SYPL1: variants seen among roughly 807,000 people sequenced by gnomAD.
SYPL1 encodes the protein synaptophysin-like protein 1.
In SYPL1, 6 loss-of-function variants were observed where a neutral mutation model predicts 23.7. The ratio of observed to expected loss-of-function variants is 0.25; its 90% CI spans 0.14 to 0.50. SYPL1 has a LOEUF of 0.50. SYPL1 is among the 20% of genes least tolerant of loss of function. SYPL1 has a pLI of 0.98. For missense variants in SYPL1, 253 were observed against 288.9 expected, an observed-to-expected ratio of 0.88 and a Z score of 0.90; for synonymous variants, 102 against 104.5, an observed-to-expected ratio of 0.98 and a Z score of 0.15.
chr7:106,108,922 T>C (rs576561466), intron 1 of SYPL1, among the ~76,000 whole-genome samples: 2 of 152,304 alleles, frequency 1.3e-5, no homozygotes, highest in Admixed American at 6.5e-5. Flanking sequence ...TGTGCTGACA[T>C]TTGTACTGAT....
chr7:106,093,290 T>G, intron 3 of SYPL1, 153 bp from the exon 4 acceptor site: 1 of 647,758 alleles, frequency 1.5e-6, no homozygotes, highest in Non-Finnish European at 2.5e-6. Flanking sequence ...GTCAGCATAG[T>G]AAACATTGCT....
At chr7:106,106,583 A>G (rs1032141419) in intron 1 of SYPL1, among the ~76,000 whole-genome samples, 7 of 149,334 alleles carry the variant, frequency 4.7e-5, no homozygotes, top group Non-Finnish European at 8.9e-5. Context: ...GGCTGGGTGC[A>G]GTGGTTCATC....
At position 106,097,044 on chromosome 7, in the gene SYPL1, G is replaced by A. The variant is rs1014802756; in HGVS notation, c.402+646C>T. Among the ~76,000 whole-genome samples the A allele has an allele frequency of 5.3e-5, 8 of 152,132 alleles. No individual in the cohort carries two copies. The highest frequency in any genetic ancestry group is 4.2e-4 in the South Asian group (2 of 4,814). ...AGCCTGGGCAACATGGTAAAACTTCGTCTTTACAAAAATACACAAAAAGTA... is the reference window on the plus strand; with the variant it reads ...AGCCTGGGCAACATGGTAAAACTTCATCTTTACAAAAATACACAAAAAGTA... On this transcript the variant is annotated intron_variant, in intron 3 of 4. Transcript: ENST00000455385. This position sits in a 1 kb window ranked among gnomAD's most constrained non-coding sequence, Gnocchi z 4.6.
At chr7:106,107,435 A>G (rs1416157074) in intron 1 of SYPL1, among the ~76,000 whole-genome samples, 1 of 152,202 alleles carries the variant, frequency 6.6e-6, no homozygotes, top group Non-Finnish European at 1.5e-5. Context: ...AGATAATTCC[A>G]TAATCCTTAA....
rs1585936850 is a variant in SYPL1 at position 106,097,344 on chromosome 7, T to A, written c.402+346A>T. On this transcript the variant is annotated intron_variant, in intron 3 of 4. Coordinates refer to ENST00000455385, the MANE Select transcript of SYPL1 (RefSeq NM_182715.4). This position sits in a 1 kb window ranked among gnomAD's most constrained non-coding sequence, Gnocchi z 4.6. ...TGGGCCTTTAGAGAAAGAAAAAAAGTAAGAAGCAGAAAGAGTTATGAGACT... is the reference window on the plus strand; with the variant it reads ...TGGGCCTTTAGAGAAAGAAAAAAAGAAAGAAGCAGAAAGAGTTATGAGACT... Among the ~76,000 whole-genome samples the A allele has an allele frequency of 6.6e-6, 1 of 152,158 alleles. No individual in the cohort carries two copies. Among genetic ancestry groups the A allele is most frequent in the East Asian group, 1.9e-4 (1 of 5,204 alleles).
intron 1 of SYPL1, among the ~76,000 whole-genome samples, chr7:106,103,210 G>A (rs776419565): frequency 3.3e-5 from 5 of 151,940 alleles, no homozygotes; most frequent in South Asian, 2.1e-4. Context: ...GAAGTTATAC[G>A]GCAAAAAAGA....
At chr7:106,099,068 C>A (rs574901673) in intron 2 of SYPL1, 90 bp downstream of exon 2, 3 of 1,497,216 alleles carry the variant, frequency 2.0e-6, no homozygotes, top group Middle Eastern at 2.2e-4. Context: ...AAATTTTCTA[C>A]CCCCCACAAT....
At position 106,091,321 on chromosome 7, in the gene SYPL1, G is replaced by C. The variant is rs1047181844; in HGVS notation, c.*484C>G. On this transcript the variant is annotated 3_prime_UTR_variant, in exon 5 of 5. Coordinates refer to ENST00000455385, the MANE Select transcript of SYPL1 (RefSeq NM_182715.4). This position sits in a 1 kb window ranked among gnomAD's most constrained non-coding sequence, Gnocchi z 5.0. ...AAAAATCATAACATAAACAATGTTA[G>C]ATATAAATTTTGAACTCAATATGTT... is the stretch of plus-strand genomic sequence containing the variant. 3.3e-5 allele frequency: 5 copies of C among 152,520 alleles called. No individual in the cohort carries two copies. The highest frequency in any genetic ancestry group is 7.2e-5 in the African/African-American group (3 of 41,404). The allele number at this position is 152,520 out of a possible 1,614,324, so 9.4% of individuals were successfully genotyped here.
chr7:106,101,533 T>C (rs953334890), intron 1 of SYPL1, among the ~76,000 whole-genome samples: 3 of 140,018 alleles, frequency 2.1e-5, no homozygotes, highest in Non-Finnish European at 4.6e-5. Context: ...GTCCAGCACA[T>C]AGTTTGGGGT....
chr7:106,092,082 C>A, intron 4 of SYPL1, 143 bp from the exon 5 acceptor site: 9 of 761,590 alleles, frequency 1.2e-5, no homozygotes, highest in Non-Finnish European at 1.8e-5. Context: ...ATACTACACA[C>A]AATGAGAAAT....
At chr7:106,110,221 C>T (rs141098034) in intron 1 of SYPL1, among the ~76,000 whole-genome samples, 19 of 152,264 alleles carry the variant, frequency 1.2e-4, no homozygotes, top group African/African-American at 4.6e-4. Context: ...AGCATATATT[C>T]CAACTAACCC....
Position 106,093,232 on chromosome 7 carries a change from T to C in SYPL1, c.403-95A>G, listed in dbSNP as rs1194367472. ...AAGAAACTGAGATTACATTCAACCT[T>C]ATGGTGCTGAGAAATGGCCTTCATG... On this transcript the variant is annotated intron_variant, in intron 3 of 4. Coordinates refer to ENST00000455385, the MANE Select transcript of SYPL1 (RefSeq NM_182715.4). 3 of 1,203,656 alleles carry C rather than the reference T, an allele frequency of 2.5e-6. No individual in the cohort carries two copies. The East Asian group carries it at 7.8e-5, about 31-fold the overall frequency. 74.6% of individuals were successfully genotyped at this position (1,203,656 alleles called of 1,614,324 possible).
In SYPL1 at chr7:106,109,397, C is replaced by G. The variant is rs7779908; in HGVS notation, c.69+2743G>C. Among the ~76,000 whole-genome samples, 2 of 152,096 alleles carry G rather than the reference C, an allele frequency of 1.3e-5. No individual in the cohort carries two copies. The highest frequency in any genetic ancestry group is 2.9e-5 in the Non-Finnish European group (2 of 68,010). ...TCTTGCTAACTAGTCCTTATTTTAT[C>G]AACTAGTCCTTATTTTACTTTACCA... On this transcript the variant is annotated intron_variant, in intron 1 of 4. Coordinates refer to ENST00000455385, the MANE Select transcript of SYPL1 (RefSeq NM_182715.4). This position sits in a 1 kb window ranked among gnomAD's most constrained non-coding sequence, Gnocchi z 4.3.
rs548097694 is a variant in SYPL1 at position 106,091,128 on chromosome 7, C to T, written c.*677G>A. The T allele has an allele frequency of 6.6e-6, 1 of 152,160 alleles. No individual in the cohort carries two copies. Among genetic ancestry groups the T allele is most frequent in the Non-Finnish European group, 1.5e-5 (1 of 68,000 alleles). The allele number at this position is 152,160 out of a possible 1,614,324, so 9.4% of individuals were successfully genotyped here. ...TACTTACATAGCAAGCCTATTAAAC[C>T]ACTAGCATAACAGATCATATCTCAT... is the stretch of plus-strand genomic sequence containing the variant. On this transcript the variant is annotated 3_prime_UTR_variant, in exon 5 of 5. Coordinates refer to ENST00000455385, the MANE Select transcript of SYPL1 (RefSeq NM_182715.4). The surrounding 1 kb of genome is among the most constrained non-coding windows in gnomAD (Gnocchi z 5.0).
At chr7:106,107,040 C>A (rs1035530226) in intron 1 of SYPL1, among the ~76,000 whole-genome samples, 5 of 152,118 alleles carry the variant, frequency 3.3e-5, no homozygotes, top group African/African-American at 1.2e-4. Context: ...ATTTAAATTT[C>A]TTTCTGTCCA....
rs778213582 is a variant in SYPL1 at position 106,091,933 on chromosome 7, C to T, written c.598G>A (p.Gly200Ser). ...MGSLNVSVIF[G>S]FLNMILWGGN... ...CCCCAGAGTATCATATTTAGAAAGCCAAATATCTATGAAAGAGAAAAAGAA... is the reference window on the plus strand; with the variant it reads ...CCCCAGAGTATCATATTTAGAAAGCTAAATATCTATGAAAGAGAAAAAGAA... Residue 200 changes from glycine (G) to serine (S), a missense_variant, in exon 5 of 5, where the codon GGC (glycine) becomes AGC (serine). Transcript: ENST00000455385. This position sits in a 1 kb window ranked among gnomAD's most constrained non-coding sequence, Gnocchi z 5.0. 3.1e-6 allele frequency: 5 copies of T among 1,608,212 alleles called. No individual in the cohort carries two copies. In the Admixed American group the frequency reaches 8.5e-5, roughly 27 times the overall value.
At chr7:106,112,084 G>C (rs1790186876) in intron 1 of SYPL1, 56 bp downstream of exon 1, 2 of 1,342,640 alleles carry the variant, frequency 1.5e-6, no homozygotes, top group Admixed American at 2.6e-5. Context: ...CCGTCTCCCC[G>C]CCTAGGGCGC....
In SYPL1 at chr7:106,103,779, C is replaced by T. The variant is rs536821360; in HGVS notation, c.70-4497G>A. 4.6e-5 allele frequency among the ~76,000 whole-genome samples: 7 copies of T among 152,210 alleles called. No individual in the cohort carries two copies. In the South Asian group the frequency reaches 1.5e-3, roughly 32 times the overall value. The stretch of plus-strand genomic sequence containing the variant: ...TACTATGTGGTTTGCATTTTTGCTT[C>T]CCATTGTATTTTTTTGTACTGGACA... On this transcript the variant is annotated intron_variant, in intron 1 of 4. Coordinates refer to ENST00000455385, the MANE Select transcript of SYPL1 (RefSeq NM_182715.4).
Position 106,109,796 on chromosome 7 carries a change from C to T in SYPL1, c.69+2344G>A, listed in dbSNP as rs553000277. Among the ~76,000 whole-genome samples the T allele has an allele frequency of 1.3e-5, 2 of 152,232 alleles. No homozygotes were observed. Among genetic ancestry groups the T allele is most frequent in the Non-Finnish European group, 2.9e-5 (2 of 68,004 alleles). On this transcript the variant is annotated intron_variant, in intron 1 of 4. Transcript: ENST00000455385. This position sits in a 1 kb window ranked among gnomAD's most constrained non-coding sequence, Gnocchi z 4.3. ...TCCATATATATTCTAATTTGTAACC[C>T]CCTTTTGTAAACCCCTTCAGTCCTA...
Sources: allele counts gnomAD v4.1 joint callset (sites outside exome capture counted in the v4.1 genomes callset), GRCh38; gene constraint gnomAD v4.1.1; non-coding constraint Gnocchi (gnomAD v3.1); transcripts MANE v1.5; gene names NCBI Gene and HGNC (gene_info 2026-07-23, HGNC 2026-07-21).